Variants in LINGO1 observed in about 807,000 individuals in gnomAD.
LINGO1 encodes the protein leucine rich repeat and Ig domain containing 1.
LINGO1 carries 11 observed loss-of-function variants against 37.3 expected under a neutral mutation model. The observed-to-expected ratio is 0.29, with a 90% CI of 0.19 to 0.49. The LOEUF is 0.49. Among genes scored for constraint, LINGO1 ranks in the 20% least tolerant of loss-of-function variants. LINGO1 has a pLI of 0.99. For synonymous variants in LINGO1, 387 were observed against 403.0 expected, an observed-to-expected ratio of 0.96 and a Z score of 0.48; for missense variants, 585 against 878.2, an observed-to-expected ratio of 0.67 and a Z score of 4.22.
chr15:77,759,636 G>A (rs2076454717), intron 1 of LINGO1, among the ~76,000 whole-genome samples: 1 of 152,234 alleles, frequency 6.6e-6, no homozygotes, highest in African/African-American at 2.4e-5. Context: ...GTGCAGGGGA[G>A]CTGAAAGAAG....
chr15:77,729,285 T>G (rs2076132396), intron 2 of LINGO1, among the ~76,000 whole-genome samples: 1 of 152,148 alleles, frequency 6.6e-6, no homozygotes, highest in African/African-American at 2.4e-5. Context: ...AGGCTCAGGA[T>G]TAGAGATCAG....
chr15:77,747,174 T>TC (rs1351278856), intron 1 of LINGO1, among the ~76,000 whole-genome samples: 1 of 152,132 alleles, frequency 6.6e-6, no homozygotes, highest in African/African-American at 2.4e-5. Flanking sequence ...AGAGCTCCAG[T>TC]CCCCTGTCCC....
intron 2 of LINGO1, among the ~76,000 whole-genome samples, chr15:77,732,691 G>A (rs2076164839): frequency 6.6e-6 from 1 of 152,196 alleles, no homozygotes; most frequent in Non-Finnish European, 1.5e-5. Context: ...CACAGCCCAC[G>A]CCAGCCCTGC....
At chr15:77,718,176 CG>C (rs1275714712) in intron 2 of LINGO1, among the ~76,000 whole-genome samples, 1 of 150,836 alleles carries the variant, frequency 6.6e-6, no homozygotes, top group Non-Finnish European at 1.5e-5. Flanking sequence ...CCAGGGCCCA[CG>C]GAGGGGTCTT....
chr15:77,757,528 C>G (rs556047182), intron 1 of LINGO1, among the ~76,000 whole-genome samples: 2 of 152,332 alleles, frequency 1.3e-5, no homozygotes, highest in South Asian at 4.1e-4. Flanking sequence ...CTGTGAAGAC[C>G]AAGTCAAGGT....
Position 77,719,481 on chromosome 15 carries a change from G to A in LINGO1, c.-195+15511C>T, listed in dbSNP as rs143685392. ...CGAAACCCAAACGCCTCCCAGGTCA[G>A]GCTGGCATGGACATGAGGACGGGGA... On this transcript the variant is annotated intron_variant, in intron 2 of 3. Transcript: ENST00000561686. Among the ~76,000 whole-genome samples the A allele has an allele frequency of 9.9e-4, 148 of 150,028 alleles. 4 individuals carry two copies. The highest frequency in any genetic ancestry group is 3.6e-3 in the African/African-American group (147 of 41,388).
chr15:77,698,636 A>C (rs1400392092), upstream of LINGO1, among the ~76,000 whole-genome samples: 1 of 152,098 alleles, frequency 6.6e-6, no homozygotes, highest in Non-Finnish European at 1.5e-5. Flanking sequence ...CCAAGGCGGG[A>C]ATGGGAAACC....
chr15:77,782,212 TACACACAC>T (rs56734688), intron 1 of LINGO1, among the ~76,000 whole-genome samples: 5,399 of 149,726 alleles, frequency 0.036, 116 homozygotes, highest in African/African-American at 0.045. Context: ...TGCGCACGCG[TACACACAC>T]ACACACACAC....
chr15:77,796,711 C>CTTTT (rs59535084), intron 1 of LINGO1, among the ~76,000 whole-genome samples: 1 of 142,684 alleles, frequency 7.0e-6, no homozygotes, highest in Non-Finnish European at 1.5e-5. Context: ...CCTCTCCTGC[C>CTTTT]TTTTTTTTTT....
upstream of LINGO1, chr15:77,788,641 C>T (rs1452874703): frequency 6.6e-6 from 1 of 152,246 alleles, no homozygotes; most frequent in Non-Finnish European, 1.5e-5. Context: ...AGCTTAATAA[C>T]TATTTGCAAA....
At chr15:77,779,015 G>A (rs1166687276) in intron 1 of LINGO1, among the ~76,000 whole-genome samples, 1 of 152,038 alleles carries the variant, frequency 6.6e-6, no homozygotes, top group African/African-American at 2.4e-5. Flanking sequence ...TCCCCTGGCT[G>A]CTCCTCACAC....
chr15:77,713,212 G>T (rs376067193), intron 2 of LINGO1, among the ~76,000 whole-genome samples: 15 of 61,890 alleles, frequency 2.4e-4, no homozygotes, highest in African/African-American at 7.2e-4. Flanking sequence ...CCAGCTAATT[G>T]TGTGTGTGTG....
intron 1 of LINGO1, among the ~76,000 whole-genome samples, chr15:77,783,660 T>C (rs2076742915): frequency 3.3e-5 from 5 of 152,196 alleles, no homozygotes. Flanking sequence ...TGTGGATAGA[T>C]GAGACTGTAT....
rs140742551 is a variant in LINGO1 at position 77,785,909 on chromosome 15, C to T, written c.-257+960G>A. 3.0e-3 allele frequency among the ~76,000 whole-genome samples: 454 copies of T among 152,248 alleles called. 1 individual carries two copies. The highest frequency in any genetic ancestry group is 9.8e-3 in the African/African-American group (405 of 41,530). On this transcript the variant is annotated intron_variant, in intron 1 of 3. Coordinates refer to the LINGO1 transcript ENST00000561686. ...ACCATGTCACCTACTCATGATGTGG[C>T]GGCCAACCCCAGGCAAATCCCACTG...
At chr15:77,712,584 C>T (rs1345057553) in intron 2 of LINGO1, among the ~76,000 whole-genome samples, 1 of 152,142 alleles carries the variant, frequency 6.6e-6, no homozygotes, top group Non-Finnish European at 1.5e-5. Context: ...CCCAGCAGTC[C>T]CAGCTCCAGC....
chr15:77,632,733 G>A lies in LINGO1; in HGVS notation c.-418C>T, dbSNP rs2074300307. On this transcript the variant is annotated 5_prime_UTR_variant, in exon 1 of 2. Coordinates refer to ENST00000355300, the MANE Select transcript of LINGO1 (RefSeq NM_032808.7). The surrounding 1 kb of genome is among the most constrained non-coding windows in gnomAD (Gnocchi z 6.0). The stretch of plus-strand genomic sequence containing the variant: ...CGGGCAGCGGCCGCGCATGCTGCTC[G>A]GCGCCCCGCGTCGGGAGAGGGGCCG... Among the ~76,000 whole-genome samples, 1 of 145,426 alleles carries A rather than the reference G, an allele frequency of 6.9e-6. No individual in the cohort carries two copies. The highest frequency in any genetic ancestry group is 2.5e-5 in the African/African-American group (1 of 40,524).
chr15:77,712,187 G>A (rs1164520234), intron 2 of LINGO1, among the ~76,000 whole-genome samples: 2 of 152,030 alleles, frequency 1.3e-5, no homozygotes, highest in Non-Finnish European at 2.9e-5. Context: ...ACCTTCAGCT[G>A]CCATTCCCTG....
chr15:77,621,745 C>T (rs1015122635), intron 1 of LINGO1, among the ~76,000 whole-genome samples: 1 of 152,222 alleles, frequency 6.6e-6, no homozygotes, highest in African/African-American at 2.4e-5. Context: ...AGTGTTTTTC[C>T]ACCACACTCC....
chr15:77,677,523 C>A (rs1372072306), intron 2 of LINGO1, among the ~76,000 whole-genome samples: 1 of 152,102 alleles, frequency 6.6e-6, no homozygotes, highest in Non-Finnish European at 1.5e-5. Context: ...CACAGATGGA[C>A]AACCCCACCC....
Sources: allele counts gnomAD v4.1 joint callset (sites outside exome capture counted in the v4.1 genomes callset), GRCh38; gene constraint gnomAD v4.1.1; non-coding constraint Gnocchi (gnomAD v3.1); transcripts MANE v1.5; gene names NCBI Gene and HGNC (gene_info 2026-07-23, HGNC 2026-07-21).